The following FKTN variants were observed in gnomAD, a reference collection of about 807,000 sequenced individuals.
The protein encoded by FKTN is ribitol-5-phosphate transferase FKTN.
A neutral mutation model predicts 58.6 loss-of-function variants in FKTN; 47 were observed. The ratio of observed to expected loss-of-function variants is 0.80; its 90% CI spans 0.63 to 1.02. FKTN has a LOEUF of 1.02. Among genes scored for constraint, FKTN ranks in the 50% least tolerant of loss-of-function variants. The probability of loss-of-function intolerance (pLI) is 0.00; values close to 1 mark genes in which losing one functional copy is unlikely to be tolerated. For synonymous variants in FKTN, 178 were observed against 191.9 expected, an observed-to-expected ratio of 0.93 and a Z score of 0.60; for missense variants, 516 against 537.3, an observed-to-expected ratio of 0.96 and a Z score of 0.39.
intron 1 of FKTN, among the ~76,000 whole-genome samples, chr9:105,564,953 G>C (rs1378122926): frequency 6.6e-6 from 1 of 152,178 alleles, no homozygotes; most frequent in African/African-American, 2.4e-5. Flanking sequence ...TGATCTCTCG[G>C]CAGGAACTCT....
At position 105,577,650 on chromosome 9, in the gene FKTN, G is replaced by A. The variant is rs557258772; in HGVS notation, c.105+2513G>A. ...TGGCTTAGGATTGACTTGGCGATGC[G>A]GGCTCTTTTTTGGTTCCCTATGAAC... is the stretch of plus-strand genomic sequence containing the variant. On this transcript the variant is annotated intron_variant, in intron 3 of 10. Coordinates refer to ENST00000357998, the MANE Select transcript of FKTN (RefSeq NM_001079802.2). 1.2e-4 allele frequency among the ~76,000 whole-genome samples: 18 copies of A among 150,492 alleles called. No individual in the cohort carries two copies. The South Asian group carries it at 1.5e-3, about 12-fold the overall frequency.
At chr9:105,574,579 G>A (rs1453129199) in intron 2 of FKTN, among the ~76,000 whole-genome samples, 1 of 151,850 alleles carries the variant, frequency 6.6e-6, no homozygotes, top group Non-Finnish European at 1.5e-5. Flanking sequence ...TTTGGAAGTG[G>A]TTCTCAGCAT....
intron 7 of FKTN, among the ~76,000 whole-genome samples, chr9:105,611,258 T>C (rs571393936): frequency 3.5e-4 from 53 of 152,296 alleles, no homozygotes; most frequent in African/African-American, 1.2e-3. Flanking sequence ...TAAATAAACA[T>C]GATATTTAAA....
chr9:105,587,801 A>C lies in FKTN; in HGVS notation c.106-8797A>C, dbSNP rs373835381. ...GCCAGTTTTGATTATTAAGAATCACAGCTTTTCTACCATTTAAGGTCACAT... is the reference window on the plus strand; with the variant it reads ...GCCAGTTTTGATTATTAAGAATCACCGCTTTTCTACCATTTAAGGTCACAT... On this transcript the variant is annotated intron_variant, in intron 3 of 10. Transcript: ENST00000357998. 8.1e-4 allele frequency among the ~76,000 whole-genome samples: 124 copies of C among 152,322 alleles called. 2 individuals carry two copies. In the South Asian group the frequency reaches 0.021, roughly 26 times the overall value.
intron 3 of FKTN, among the ~76,000 whole-genome samples, chr9:105,582,371 T>A (rs1355234002): frequency 1.3e-5 from 2 of 152,080 alleles, no homozygotes; most frequent in African/African-American, 4.8e-5. Context: ...TTAAAAAAAA[T>A]TTTTTGTAGA....
chr9:105,563,070 G>A (rs760103171), intron 1 of FKTN, among the ~76,000 whole-genome samples: 2 of 152,180 alleles, frequency 1.3e-5, no homozygotes, highest in African/African-American at 4.8e-5. Flanking sequence ...GTCTGGGGCT[G>A]GAGGAGGTGT....
At chr9:105,579,557 A>G (rs1181670344) in intron 3 of FKTN, among the ~76,000 whole-genome samples, 1 of 151,358 alleles carries the variant, frequency 6.6e-6, no homozygotes, top group Non-Finnish European at 1.5e-5. Flanking sequence ...GTGTTCTTTT[A>G]CATTTGCTGA....
At chr9:105,564,289 C>A (rs1251131621) in intron 1 of FKTN, among the ~76,000 whole-genome samples, 6 of 152,214 alleles carry the variant, frequency 3.9e-5, no homozygotes, top group African/African-American at 1.2e-4. Context: ...TGGAACAAAG[C>A]TGGATGGAGA....
At chr9:105,565,957 C>T (rs1220054536) in intron 1 of FKTN, among the ~76,000 whole-genome samples, 7 of 152,170 alleles carry the variant, frequency 4.6e-5, no homozygotes, top group Admixed American at 1.3e-4. Context: ...GTCTCTCAGA[C>T]CACAGTGCAA....
chr9:105,591,069 A>C (rs1218042884), intron 3 of FKTN, among the ~76,000 whole-genome samples: 1 of 152,160 alleles, frequency 6.6e-6, no homozygotes, highest in East Asian at 1.9e-4. Context: ...CATTCATGAC[A>C]AACTGTCCCC....
At chr9:105,561,422 A>G (rs1057463594) in intron 1 of FKTN, among the ~76,000 whole-genome samples, 1 of 152,148 alleles carries the variant, frequency 6.6e-6, no homozygotes, top group South Asian at 2.1e-4. Context: ...TTTTCTTACT[A>G]CAAAATCAAT....
At chr9:105,572,477 A>G (rs1056950568) in intron 1 of FKTN, among the ~76,000 whole-genome samples, 1 of 152,212 alleles carries the variant, frequency 6.6e-6, no homozygotes, top group Non-Finnish European at 1.5e-5. Context: ...TGGCAGCCAC[A>G]TGTAAGCAGG....
At chr9:105,609,851 G>GT (rs1232011508) in intron 7 of FKTN, among the ~76,000 whole-genome samples, 2 of 152,100 alleles carry the variant, frequency 1.3e-5, no homozygotes, top group Non-Finnish European at 2.9e-5. Context: ...CTGAAACTTC[G>GT]TATCTTTACC....
At chr9:105,603,137 G>A (rs1828197917) in intron 5 of FKTN, among the ~76,000 whole-genome samples, 1 of 152,060 alleles carries the variant, frequency 6.6e-6, no homozygotes, top group South Asian at 2.1e-4. Context: ...TCATAATTCT[G>A]CCTATTTTGT....
rs1834272155 is a variant in FKTN at position 105,639,372 on chromosome 9, G to T, written c.*4108G>T. Reference sequence around the variant, plus strand: ...GAGTTAGGCCTGAATTTGAATTTCAGCTTAATCATGTGGGATTTATGGTGG... The same window carrying T: ...GAGTTAGGCCTGAATTTGAATTTCATCTTAATCATGTGGGATTTATGGTGG... On this transcript the variant is annotated 3_prime_UTR_variant, in exon 11 of 11. Transcript: ENST00000357998. The T allele has an allele frequency of 1.2e-6, 1 of 837,514 alleles. No homozygotes were observed. 51.9% of individuals were successfully genotyped at this position (837,514 alleles called of 1,614,324 possible).
chr9:105,637,521 C>A lies in FKTN; in HGVS notation c.*2257C>A. On this transcript the variant is annotated 3_prime_UTR_variant, in exon 11 of 11. Coordinates refer to ENST00000357998, the MANE Select transcript of FKTN (RefSeq NM_001079802.2). ...TACCTCTGATTCTGATTCATCCATA[C>A]TTCATCTTATGTATTTTAACAGTTG... 10 of 985,422 alleles carry A rather than the reference C, an allele frequency of 1.0e-5. No individual in the cohort carries two copies. Among genetic ancestry groups the A allele is most frequent in the Non-Finnish European group, 1.2e-5 (10 of 829,908 alleles). The allele number at this position is 985,422 out of a possible 1,614,324, so 61.0% of individuals were successfully genotyped here. A position where few individuals can be genotyped will look rare whatever the true frequency, so the allele number is the denominator to read the frequency against.
chr9:105,599,783 C>A (rs770833780), intron 4 of FKTN, among the ~76,000 whole-genome samples: 2 of 152,108 alleles, frequency 1.3e-5, no homozygotes, highest in African/African-American at 2.4e-5. Context: ...GGATTACAGG[C>A]GTGAGAAGTT....
intron 1 of FKTN, among the ~76,000 whole-genome samples, chr9:105,564,248 C>T (rs951750569): frequency 4.8e-4 from 73 of 152,220 alleles, no homozygotes; most frequent in African/African-American, 1.7e-3. Flanking sequence ...CACCTCTCCT[C>T]CTCCAAAGGA....
At chr9:105,581,480 G>C (rs1363481121) in intron 3 of FKTN, among the ~76,000 whole-genome samples, 1 of 150,588 alleles carries the variant, frequency 6.6e-6, no homozygotes, top group Non-Finnish European at 1.5e-5. Context: ...AGGCTGCTCG[G>C]GGGTCAGGGG....
Sources: allele counts gnomAD v4.1 joint callset (sites outside exome capture counted in the v4.1 genomes callset), GRCh38; gene constraint gnomAD v4.1.1; transcripts MANE v1.5; gene names NCBI Gene and HGNC (gene_info 2026-07-23, HGNC 2026-07-21).